MRAP2: variants seen among roughly 807,000 people sequenced by gnomAD.
The protein encoded by MRAP2 is melanocortin-2 receptor accessory protein 2.
Under a neutral mutation model 17.4 loss-of-function variants are expected in MRAP2, and 20 were observed. The ratio of observed to expected loss-of-function variants is 1.15; its 90% confidence interval spans 0.81 to 1.67. The LOEUF is 1.67. MRAP2 is among the 40% of genes most tolerant of loss of function. The pLI, the probability that MRAP2 is intolerant of heterozygous loss-of-function variation, is 0.00. For missense variants in MRAP2, 238 were observed against 240.0 expected (o/e 0.99, Z 0.05); for synonymous variants, 96 against 88.4 (o/e 1.09, Z -0.48).
the MRAP2 span, among the ~76,000 whole-genome samples, chr6:84,132,498 G>T: frequency 6.6e-6 from 1 of 152,114 alleles, no homozygotes; most frequent in African/African-American, 2.4e-5. Context: ...CATAGATTTG[G>T]TCTTTTCACA....
At chr6:84,083,110 C>A (rs2099499426) in intron 3 of MRAP2, among the ~76,000 whole-genome samples, 1 of 152,126 alleles carries the variant, frequency 6.6e-6, no homozygotes, top group Non-Finnish European at 1.5e-5. Flanking sequence ...GGCTTTCATG[C>A]CCCTTTGTTC....
chr6:84,122,352 CAAAAAAAAAAAA>C, the MRAP2 span, among the ~76,000 whole-genome samples: 5 of 36,152 alleles, frequency 1.4e-4, no homozygotes, highest in South Asian at 1.4e-3. Flanking sequence ...ACAGCACATC[CAAAAAAAAAAAA>C]AAAAAAAAAA....
Position 84,089,285 on chromosome 6 carries a change from A to T in MRAP2, c.422A>T (p.Asp141Val), listed in dbSNP as rs2099501233. The change falls in exon 4 of 4, where the codon GAC (aspartate) becomes GTC (valine). Residue 141 changes from aspartate to valine, a missense_variant. Physicochemically the swap from Asp to Val is radical, Grantham distance 152 (BLOSUM62 -3). Transcript: ENST00000257776. ...CACCAGACCACAGCCCTTGACAGTG[A>T]CGTCCAACTCCAGGAAGCCATCAGA... ...ACHQTTALDS[D>V]VQLQEAIRSS... 6.2e-7 allele frequency: 1 copy of T among 1,614,108 alleles called. No individual in the cohort carries two copies. The highest frequency in any genetic ancestry group is 1.3e-5 in the African/African-American group (1 of 74,936).
chr6:84,109,047 C>A, the MRAP2 span, among the ~76,000 whole-genome samples: 1 of 152,096 alleles, frequency 6.6e-6, no homozygotes, highest in East Asian at 1.9e-4. Flanking sequence ...GTTCTTGTAC[C>A]AATACCATGC....
At chr6:84,101,768 A>G in the MRAP2 span, among the ~76,000 whole-genome samples, 1 of 152,186 alleles carries the variant, frequency 6.6e-6, no homozygotes, top group Non-Finnish European at 1.5e-5. Flanking sequence ...AAATACAGAG[A>G]TATCAAAACA....
chr6:84,113,909 C>T, the MRAP2 span, among the ~76,000 whole-genome samples: 2 of 152,182 alleles, frequency 1.3e-5, no homozygotes, highest in Non-Finnish European at 2.9e-5. Context: ...ATATTGGCCC[C>T]CAGCCTCTTC....
the MRAP2 span, among the ~76,000 whole-genome samples, chr6:84,132,396 C>T: frequency 6.6e-6 from 1 of 152,136 alleles, no homozygotes; most frequent in African/African-American, 2.4e-5. Context: ...TTCTGCCTTG[C>T]TAGGCTGGGG....
chr6:84,057,650 C>T (rs1444917755), intron 2 of MRAP2, among the ~76,000 whole-genome samples: 3 of 152,234 alleles, frequency 2.0e-5, no homozygotes, highest in African/African-American at 7.2e-5. Context: ...TTATTGAGCA[C>T]CTGTTATGTG....
At chr6:84,138,836 T>C in the MRAP2 span, among the ~76,000 whole-genome samples, 7 of 152,232 alleles carry the variant, frequency 4.6e-5, no homozygotes, top group African/African-American at 1.7e-4. Flanking sequence ...TTAGTGCTTA[T>C]GTTAACAAAG....
the MRAP2 span, among the ~76,000 whole-genome samples, chr6:84,125,554 TC>T: frequency 6.6e-6 from 1 of 152,060 alleles, no homozygotes; most frequent in Non-Finnish European, 1.5e-5. Context: ...TTAAATGAGA[TC>T]ATAAGGGTGG....
At chr6:84,136,924 G>A in the MRAP2 span, among the ~76,000 whole-genome samples, 127 of 152,270 alleles carry the variant, frequency 8.3e-4, no homozygotes, top group African/African-American at 2.7e-3. Context: ...CCTAGGCTTG[G>A]GGGACTTTGT....
chr6:84,093,195 T>G (rs1303741977), downstream of MRAP2, among the ~76,000 whole-genome samples: 1 of 152,130 alleles, frequency 6.6e-6, no homozygotes, highest in Non-Finnish European at 1.5e-5. Flanking sequence ...TCTTGTAATC[T>G]TCCAGTATAG....
chr6:84,076,590 C>G (rs2099497688), intron 3 of MRAP2, among the ~76,000 whole-genome samples: 1 of 152,112 alleles, frequency 6.6e-6, no homozygotes, highest in Non-Finnish European at 1.5e-5. Context: ...AAACTCCTGG[C>G]CTCAAGTGAT....
At chr6:84,048,832 A>G (rs749109239) in intron 1 of MRAP2, among the ~76,000 whole-genome samples, 4 of 152,236 alleles carry the variant, frequency 2.6e-5, no homozygotes, top group Non-Finnish European at 5.9e-5. Context: ...TCCTAATTCA[A>G]CAAATGGATA....
downstream of MRAP2, among the ~76,000 whole-genome samples, chr6:84,093,334 C>G (rs2099502111): frequency 6.6e-6 from 1 of 152,092 alleles, no homozygotes; most frequent in South Asian, 2.1e-4. Flanking sequence ...ACCGAGGCAC[C>G]AGGGTGAAAC....
rs906613604 is a variant in MRAP2, at chr6:84,089,986, T to C, written c.*505T>C. On this transcript the variant is annotated 3_prime_UTR_variant, in exon 4 of 4. Coordinates refer to ENST00000257776, the MANE Select transcript of MRAP2 (RefSeq NM_138409.4). Reference sequence around the variant, plus strand: ...GTTGAAAAATTTGGCCAAATACCTATTGTCAGCATTCTTGGGTGAGGATTA... The same window carrying C: ...GTTGAAAAATTTGGCCAAATACCTACTGTCAGCATTCTTGGGTGAGGATTA... The C allele has an allele frequency of 1.3e-5, 2 of 157,056 alleles. No homozygotes were observed. The highest frequency in any genetic ancestry group is 4.8e-5 in the African/African-American group (2 of 41,462). The allele number at this position is 157,056 out of a possible 1,614,324, so 9.7% of individuals were successfully genotyped here.
chr6:84,104,661 G>T, the MRAP2 span, among the ~76,000 whole-genome samples: 4 of 152,268 alleles, frequency 2.6e-5, no homozygotes, highest in South Asian at 8.3e-4. Context: ...GAGGTCAGGA[G>T]ATCGAGACCA....
chr6:84,055,336 A>C lies in MRAP2; in HGVS notation c.18A>C (p.Leu6Phe), dbSNP rs1163839699. The change falls in exon 2 of 4, where the codon TTA becomes TTC. Residue 6 changes from leucine (L) to phenylalanine (F), a missense_variant. By Grantham distance (22) the Leu-to-Phe change is conservative. Transcript: ENST00000257776. MSAQR[L>F]ISNRTSQQSA... Reference sequence around the variant, plus strand: ...GGTCGGAGATGTCCGCCCAGAGGTTAATTTCTAACAGAACCTCCCAGCAAT... The same window carrying C: ...GGTCGGAGATGTCCGCCCAGAGGTTCATTTCTAACAGAACCTCCCAGCAAT... 3.1e-6 allele frequency: 5 copies of C among 1,613,340 alleles called. No individual in the cohort carries two copies. The Admixed American group carries it at 8.4e-5, about 27-fold the overall frequency.
chr6:84,143,301 G>T, the MRAP2 span, among the ~76,000 whole-genome samples: 5 of 151,980 alleles, frequency 3.3e-5, no homozygotes, highest in Admixed American at 6.6e-5. Flanking sequence ...TAGAAGTCAT[G>T]AAATGATGTT....
Sources: allele counts gnomAD v4.1 joint callset (sites outside exome capture counted in the v4.1 genomes callset), GRCh38; gene constraint gnomAD v4.1.1; transcripts MANE v1.5; gene names NCBI Gene and HGNC (gene_info 2026-07-23, HGNC 2026-07-21).